The following EPHA6 variants were observed in gnomAD, a reference collection of about 807,000 sequenced individuals.
The protein encoded by EPHA6 is ephrin type-A receptor 6.
In EPHA6, 50 loss-of-function variants were observed where a neutral mutation model predicts 112.0. The observed-to-expected ratio is 0.45, with a 90% CI of 0.36 to 0.56. EPHA6 has a LOEUF of 0.56. Ranked by LOEUF, EPHA6 falls within the 20% of genes least tolerant of loss-of-function variation. The probability of loss-of-function intolerance (pLI) is 0.00; values close to 1 mark genes in which losing one functional copy is unlikely to be tolerated. For missense variants in EPHA6, 1,280 were observed against 1,417.4 expected, an observed-to-expected ratio of 0.90 and a Z score of 1.56; for synonymous variants, 529 against 490.7, an observed-to-expected ratio of 1.08 and a Z score of -1.03.
chr3:97,259,705 G>C (rs1295800403), intron 5 of EPHA6, among the ~76,000 whole-genome samples: 1 of 152,186 alleles, frequency 6.6e-6, no homozygotes, highest in East Asian at 1.9e-4. Flanking sequence ...GAAAGGAAGA[G>C]AGGTAGTGTT....
At chr3:96,892,939 CTT>C (rs1020305081) in intron 2 of EPHA6, among the ~76,000 whole-genome samples, 24 of 143,564 alleles carry the variant, frequency 1.7e-4, no homozygotes, top group Non-Finnish European at 3.1e-4. Context: ...CTGATTCCAA[CTT>C]ATATATATAT....
intron 10 of EPHA6, among the ~76,000 whole-genome samples, chr3:97,520,658 T>G (rs753291619): frequency 2.0e-4 from 31 of 152,220 alleles, no homozygotes; most frequent in South Asian, 4.1e-4. Context: ...CTTTGACTTT[T>G]GAGAGTTTGA....
intron 14 of EPHA6, chr3:97,646,433 A>T: frequency 1.3e-6 from 1 of 744,348 alleles, no homozygotes; most frequent in Non-Finnish European, 2.0e-6. Context: ...ATAAGTAGAA[A>T]TTCTAATATT....
intron 1 of EPHA6, among the ~76,000 whole-genome samples, chr3:96,857,443 C>G (rs928938598): frequency 2.0e-5 from 3 of 152,136 alleles, no homozygotes; most frequent in African/African-American, 7.2e-5. Flanking sequence ...ATTCCTCCTC[C>G]TAACTCCTCT....
At chr3:97,242,426 C>G (rs1226522445) in intron 4 of EPHA6, among the ~76,000 whole-genome samples, 1 of 151,840 alleles carries the variant, frequency 6.6e-6, no homozygotes, top group African/African-American at 2.4e-5. Context: ...GAGGCTTTCT[C>G]AGAATGTTAC....
chr3:97,198,447 T>G (rs1576666509), intron 3 of EPHA6, among the ~76,000 whole-genome samples: 1 of 152,110 alleles, frequency 6.6e-6, no homozygotes, highest in Non-Finnish European at 1.5e-5. Flanking sequence ...CTTCTGAAGT[T>G]TAGCCCGAGT....
chr3:97,685,083 T>C (rs1009729972), intron 14 of EPHA6, among the ~76,000 whole-genome samples: 1 of 152,124 alleles, frequency 6.6e-6, no homozygotes, highest in African/African-American at 2.4e-5. Flanking sequence ...TTGATAGGTT[T>C]TCCCAAATTT....
intron 3 of EPHA6, among the ~76,000 whole-genome samples, chr3:97,204,751 G>A (rs2077670362): frequency 1.3e-5 from 2 of 152,070 alleles, no homozygotes; most frequent in South Asian, 4.1e-4. Context: ...GACTTTTTAT[G>A]CATTCAGCAG....
chr3:97,096,162 A>T (rs1166029947), intron 3 of EPHA6, among the ~76,000 whole-genome samples: 1 of 151,822 alleles, frequency 6.6e-6, no homozygotes, highest in Non-Finnish European at 1.5e-5. Context: ...AAGCTATTTT[A>T]TACGTATCCA....
chr3:97,313,148 A>G (rs559799810), intron 5 of EPHA6, among the ~76,000 whole-genome samples: 1 of 151,638 alleles, frequency 6.6e-6, no homozygotes, highest in African/African-American at 2.4e-5. Context: ...CATTTTACAT[A>G]TAAGTGAGAT....
chr3:97,064,444 C>T (rs2046117618), intron 3 of EPHA6, among the ~76,000 whole-genome samples: 1 of 152,146 alleles, frequency 6.6e-6, no homozygotes, highest in South Asian at 2.1e-4. Flanking sequence ...TTCATAATAA[C>T]ATATTAATGC....
Position 97,499,624 on chromosome 3 carries a change from C to T in EPHA6, c.2200+15565C>T, listed in dbSNP as rs138107935. Among the ~76,000 whole-genome samples the T allele has an allele frequency of 6.5e-3, 995 of 152,230 alleles. 12 individuals carry two copies. Among genetic ancestry groups the T allele is most frequent in the African/African-American group, 0.022 (915 of 41,538 alleles). On this transcript the variant is annotated intron_variant, in intron 10 of 17. Transcript: ENST00000389672. ...AGCCTATTCCTTCTAGGCTACAAAG[C>T]TGTAAAGCATACTGCACTGAATACC...
At chr3:96,992,868 T>C (rs2043267644) in intron 3 of EPHA6, among the ~76,000 whole-genome samples, 1 of 152,196 alleles carries the variant, frequency 6.6e-6, no homozygotes, top group South Asian at 2.1e-4. Flanking sequence ...AACACCAATG[T>C]CATGCCTCTG....
chr3:96,834,326 A>G (rs1309964145), intron 1 of EPHA6, among the ~76,000 whole-genome samples: 1 of 152,046 alleles, frequency 6.6e-6, no homozygotes, highest in Non-Finnish European at 1.5e-5. Context: ...TTCTCATTAA[A>G]ATAGGTAGCT....
At chr3:96,986,485 C>A (rs928441004) in intron 2 of EPHA6, among the ~76,000 whole-genome samples, 1 of 152,130 alleles carries the variant, frequency 6.6e-6, no homozygotes, top group African/African-American at 2.4e-5. Context: ...TTTGTATTTA[C>A]TGCTTCCTCT....
At chr3:97,644,795 A>T (rs1479695854) in intron 14 of EPHA6, among the ~76,000 whole-genome samples, 1 of 151,952 alleles carries the variant, frequency 6.6e-6, no homozygotes, top group East Asian at 1.9e-4. Flanking sequence ...GGCAATAATC[A>T]ATAGTTTACC....
At chr3:97,170,763 AG>A (rs1202078757) in intron 3 of EPHA6, among the ~76,000 whole-genome samples, 1 of 148,918 alleles carries the variant, frequency 6.7e-6, no homozygotes, top group Non-Finnish European at 1.5e-5. Flanking sequence ...AGAAAAAAAA[AG>A]AAATATAGGA....
intron 2 of EPHA6, among the ~76,000 whole-genome samples, chr3:96,882,514 C>T (rs1665855914): frequency 6.6e-6 from 1 of 152,106 alleles, no homozygotes; most frequent in South Asian, 2.1e-4. Context: ...TCTCACCACT[C>T]CCACCATTCC....
intron 3 of EPHA6, among the ~76,000 whole-genome samples, chr3:97,090,120 A>C (rs932772941): frequency 6.6e-6 from 1 of 152,180 alleles, no homozygotes; most frequent in South Asian, 2.1e-4. Flanking sequence ...CAAAATTACT[A>C]TATTCCCTTC....
Sources: allele counts gnomAD v4.1 joint callset (sites outside exome capture counted in the v4.1 genomes callset), GRCh38; gene constraint gnomAD v4.1.1; transcripts MANE v1.5; gene names NCBI Gene and HGNC (gene_info 2026-07-23, HGNC 2026-07-21).